Variants in C1QTNF3 observed in about 807,000 individuals in gnomAD.
The protein encoded by C1QTNF3 is C1q and TNF related 3.
C1QTNF3 carries 26 observed loss-of-function variants against 32.6 expected under a neutral mutation model. The ratio of observed to expected loss-of-function variants is 0.80; its 90% CI spans 0.58 to 1.11. The LOEUF is 1.11. Ranked by LOEUF, C1QTNF3 falls within the 50% of genes least tolerant of loss-of-function variation. C1QTNF3 has a pLI of 0.00. For missense variants in C1QTNF3, 362 were observed against 398.2 expected (o/e 0.91, Z 0.77); for synonymous variants, 155 against 146.0 (o/e 1.06, Z -0.44).
At chr5:34,072,815 C>G in the C1QTNF3 span, among the ~76,000 whole-genome samples, 5 of 152,106 alleles carry the variant, frequency 3.3e-5, no homozygotes, top group Admixed American at 3.3e-4. Flanking sequence ...CTCAACCTGT[C>G]TTGTTTATTT....
chr5:34,115,755 G>A, the C1QTNF3 span, among the ~76,000 whole-genome samples: 1 of 150,730 alleles, frequency 6.6e-6, no homozygotes, highest in South Asian at 2.1e-4. Flanking sequence ...AAAACTTTCA[G>A]CTGGTATGTC....
intron 3 of C1QTNF3, among the ~76,000 whole-genome samples, chr5:34,030,408 AGG>A (rs1303951005): frequency 6.6e-6 from 1 of 152,238 alleles, no homozygotes; most frequent in African/African-American, 2.4e-5. Context: ...TATGAGATTA[AGG>A]TCCACCTCTC....
At chr5:34,032,701 CAGG>C (rs928458342) in intron 3 of C1QTNF3, among the ~76,000 whole-genome samples, 3 of 152,200 alleles carry the variant, frequency 2.0e-5, no homozygotes, top group Non-Finnish European at 4.4e-5. Context: ...GAGGCTGAGG[CAGG>C]AGAATTGCTC....
At chr5:34,055,199 C>T in the C1QTNF3 span, among the ~76,000 whole-genome samples, 1 of 152,194 alleles carries the variant, frequency 6.6e-6, no homozygotes, top group African/African-American at 2.4e-5. Context: ...TCTTAACTGA[C>T]CATTTGTTCT....
At chr5:34,162,408 C>T in the C1QTNF3 span, among the ~76,000 whole-genome samples, 2 of 152,102 alleles carry the variant, frequency 1.3e-5, no homozygotes. Context: ...TTAATCACCT[C>T]TTATTAGGCC....
Position 34,042,992 on chromosome 5 carries a change from T to G in C1QTNF3, c.134A>C (p.Gln45Pro), listed in dbSNP as rs769355920. 1.2e-6 allele frequency: 2 copies of G among 1,614,224 alleles called. No individual in the cohort carries two copies. Among genetic ancestry groups the G allele is most frequent in the South Asian group, 2.2e-5 (2 of 91,088 alleles). ...KVVARIVQSH[Q>P]QTGRSGSRRE... ...CCTGGAGCCGCTACGGCCAGTCTGC[T>G]GGTGGCTTTGCACTATTCTTGCCAC... Residue 45 changes from glutamine (Q) to proline (P), a missense_variant, in exon 1 of 6, where the codon CAG (glutamine) becomes CCG (proline). Physicochemically the swap from Gln to Pro is moderately conservative, Grantham distance 76 (BLOSUM62 -1). Coordinates refer to ENST00000382065, the MANE Select transcript of C1QTNF3 (RefSeq NM_181435.6).
the C1QTNF3 span, among the ~76,000 whole-genome samples, chr5:34,077,768 CAG>C: frequency 6.6e-6 from 1 of 151,428 alleles, no homozygotes; most frequent in African/African-American, 2.5e-5. Flanking sequence ...TGTCCCCTGA[CAG>C]TGTAACTTTT....
intron 4 of C1QTNF3, 91 bp from the exon 5 acceptor site, chr5:34,024,099 A>T (rs1364258503): frequency 6.7e-6 from 6 of 892,672 alleles, no homozygotes; most frequent in South Asian, 5.9e-5. Flanking sequence ...CTGCCTTCAC[A>T]TGTCTTTTAT....
At chr5:34,056,477 TATAGAG>T in the C1QTNF3 span, among the ~76,000 whole-genome samples, 117 of 87,224 alleles carry the variant, frequency 1.3e-3, no homozygotes, top group South Asian at 4.9e-3. Flanking sequence ...TATATATATA[TATAGAG>T]AGAGAGAGAG....
At chr5:34,099,294 C>T in the C1QTNF3 span, among the ~76,000 whole-genome samples, 1 of 152,102 alleles carries the variant, frequency 6.6e-6, no homozygotes, top group South Asian at 2.1e-4. Flanking sequence ...TTCTTTAATG[C>T]TCATCAACAT....
At chr5:34,197,975 T>A in the C1QTNF3 span, among the ~76,000 whole-genome samples, 1 of 150,168 alleles carries the variant, frequency 6.7e-6, no homozygotes, top group East Asian at 2.0e-4. Context: ...GTGGCTCACA[T>A]CTGTAATCCC....
chr5:34,030,153 G>GA (rs1350331092), intron 3 of C1QTNF3, among the ~76,000 whole-genome samples: 1 of 152,162 alleles, frequency 6.6e-6, no homozygotes, highest in Non-Finnish European at 1.5e-5. Context: ...GATTTTGGAT[G>GA]AAAAAATGTC....
the C1QTNF3 span, among the ~76,000 whole-genome samples, chr5:34,177,983 G>A: frequency 6.6e-6 from 1 of 151,860 alleles, no homozygotes; most frequent in African/African-American, 2.4e-5. Context: ...ATTCAGAACG[G>A]GGGCTGGGCA....
At chr5:34,123,908 T>C in the C1QTNF3 span, among the ~76,000 whole-genome samples, 1 of 152,208 alleles carries the variant, frequency 6.6e-6, no homozygotes, top group African/African-American at 2.4e-5. Flanking sequence ...TTAAGTGTTC[T>C]TAATTTTGTG....
the C1QTNF3 span, among the ~76,000 whole-genome samples, chr5:34,052,551 C>G: frequency 2.6e-5 from 4 of 152,224 alleles, no homozygotes; most frequent in Admixed American, 2.6e-4. Flanking sequence ...TGAGTTCCAT[C>G]TCCTTGACTT....
chr5:34,155,867 A>T, the C1QTNF3 span, among the ~76,000 whole-genome samples: 2 of 152,162 alleles, frequency 1.3e-5, no homozygotes, highest in African/African-American at 4.8e-5. Flanking sequence ...AAAAGAAGGG[A>T]TGAGCAAACC....
chr5:34,061,631 G>C, the C1QTNF3 span, among the ~76,000 whole-genome samples: 1 of 152,198 alleles, frequency 6.6e-6, no homozygotes, highest in Non-Finnish European at 1.5e-5. Context: ...TGCAAGTTTT[G>C]AGGCTTGCAC....
the C1QTNF3 span, among the ~76,000 whole-genome samples, chr5:34,135,750 C>T: frequency 2.1e-5 from 3 of 145,822 alleles, no homozygotes; most frequent in African/African-American, 7.6e-5. Flanking sequence ...TACAAGGCTG[C>T]GGTAAACAAA....
chr5:34,054,727 G>A, the C1QTNF3 span, among the ~76,000 whole-genome samples: 1 of 150,408 alleles, frequency 6.6e-6, no homozygotes, highest in East Asian at 1.9e-4. Flanking sequence ...GCAATAAGTG[G>A]TGATTCTAAA....
Sources: gnomAD v4.1 joint callset for allele counts (sites outside exome capture counted in the v4.1 genomes callset) on GRCh38, gnomAD v4.1.1 for gene constraint, MANE v1.5 for transcripts, NCBI Gene and HGNC (gene_info 2026-07-23, HGNC 2026-07-21) for gene names.